FMO2: variants seen among roughly 807,000 people sequenced by gnomAD.
FMO2 encodes the protein flavin containing dimethylaniline monoxygenase 2.
A neutral mutation model predicts 41.6 loss-of-function variants in FMO2; 33 were observed. The ratio of observed to expected loss-of-function variants is 0.79; its 90% CI spans 0.60 to 1.06. The LOEUF (loss-of-function observed/expected upper bound fraction) is 1.06, where lower values mean the gene tolerates loss of function less well. FMO2 is among the 50% of genes least tolerant of loss of function. The probability of loss-of-function intolerance (pLI) is 0.00; values close to 1 mark genes in which losing one functional copy is unlikely to be tolerated. For synonymous variants in FMO2, 214 were observed against 219.6 expected (o/e 0.97, Z 0.23); for missense variants, 619 against 632.9 (o/e 0.98, Z 0.23).
Position 171,185,754 on chromosome 1 carries a change from G to T in FMO2, c.41G>T (p.Gly14Val), listed in dbSNP as rs1244696542. The T allele has an allele frequency of 1.9e-6, 3 of 1,613,738 alleles. No homozygotes were observed. The highest frequency in any genetic ancestry group is 2.5e-6 in the Non-Finnish European group (3 of 1,179,822). ...KVAVIGAGVS[G>V]LISLKCCVDE... ...GCTGTGATTGGAGCTGGGGTCAGTG[G>T]CCTAATTTCTCTGAAGTGCTGTGTG... The change falls in exon 2 of 9, where the codon GGC (glycine) becomes GTC (valine). Residue 14 changes from glycine (G) to valine (V), a missense_variant. Gly to Val is a moderately radical substitution (Grantham distance 109). Transcript: ENST00000209929.
chr1:171,185,650 AG>A, intron 1 of FMO2, 57 bp from the exon 2 acceptor site: 1 of 1,576,956 alleles, frequency 6.3e-7, no homozygotes, highest in Non-Finnish European at 8.7e-7. Context: ...GCACATCATA[AG>A]GATTCTCTTA....
Position 171,205,283 on chromosome 1 carries a change from A to C in FMO2, c.832A>C (p.Ile278Leu), listed in dbSNP as rs757302681. Reference sequence around the variant, plus strand: ...TTTTTCTTCTGTATGTCTCAGATACATTATGAAGGAACCTGTACTAAATGA... The same window carrying C: ...TTTTTCTTCTGTATGTCTCAGATACCTTATGAAGGAACCTGTACTAAATGA... Reference protein sequence around the residue: ...NYGLEPQNKYIMKEPVLNDDV... With the variant: ...NYGLEPQNKYLMKEPVLNDDV... Residue 278 changes from isoleucine (I) to leucine (L), a missense_variant, in exon 7 of 9, where the codon ATT becomes CTT. By Grantham distance (5) the Ile-to-Leu change is conservative (BLOSUM62 2). Transcript: ENST00000209929. 1.1e-5 allele frequency: 17 copies of C among 1,593,802 alleles called. No individual in the cohort carries two copies. The South Asian group carries it at 1.7e-4, about 16-fold the overall frequency.
At chr1:171,188,526 G>A (rs1242768215) in intron 2 of FMO2, among the ~76,000 whole-genome samples, 2 of 152,146 alleles carry the variant, frequency 1.3e-5, no homozygotes, top group Non-Finnish European at 2.9e-5. Flanking sequence ...TCCCTGCAGA[G>A]TGAAACATAA....
intron 4 of FMO2, among the ~76,000 whole-genome samples, chr1:171,197,932 T>C (rs1235757313): frequency 3.3e-5 from 5 of 152,190 alleles, no homozygotes; most frequent in African/African-American, 1.2e-4. Flanking sequence ...TCCACAATTG[T>C]GTGCCAGAAG....
chr1:171,200,709 A>C (rs1557980784), intron 5 of FMO2, among the ~76,000 whole-genome samples: 1 of 152,206 alleles, frequency 6.6e-6, no homozygotes. Flanking sequence ...GAGACTTACT[A>C]GACCCAATAA....
intron 5 of FMO2, among the ~76,000 whole-genome samples, chr1:171,200,609 G>A (rs1658496704): frequency 1.3e-5 from 2 of 152,196 alleles, no homozygotes; most frequent in South Asian, 4.1e-4. Context: ...GCAGGTTAAT[G>A]AAGGGGTTAT....
In FMO2 at chr1:171,204,022, G is replaced by T; in HGVS notation, c.785G>T (p.Arg262Leu). 6.2e-7 allele frequency: 1 copy of T among 1,613,634 alleles called. No homozygotes were observed. Among genetic ancestry groups the T allele is most frequent in the Non-Finnish European group, 8.5e-7 (1 of 1,179,722 alleles). ...VKWMIEQQMN[R>L]WFNHENYGLE... is the part of the protein sequence containing the mutation. ...TGGATGATAGAACAACAGATGAATC[G>T]GTGGTTCAACCATGAAAATTATGGC... Residue 262 changes from arginine (R) to leucine (L), a missense_variant, in exon 6 of 9, where the codon CGG (arginine) becomes CTG (leucine). Coordinates refer to ENST00000209929, the MANE Select transcript of FMO2 (RefSeq NM_001460.5).
rs1658654415 is a variant in FMO2 at position 171,204,065 on chromosome 1, G to T, written c.827+1G>T. The stretch of plus-strand genomic sequence containing the variant: ...ATTATGGCCTTGAGCCTCAAAACAA[G>T]TAGAGTTATTTTGCTTTTTTAATGG... On this transcript the variant is annotated splice_donor_variant, in intron 6 of 8. Coordinates refer to ENST00000209929, the MANE Select transcript of FMO2 (RefSeq NM_001460.5). LOFTEE classifies it high-confidence loss of function. The T allele has an allele frequency of 1.2e-6, 2 of 1,612,094 alleles. No individual in the cohort carries two copies. The highest frequency in any genetic ancestry group is 2.7e-5 in the African/African-American group (2 of 74,836).
chr1:171,203,113 C>T (rs1201654125), intron 5 of FMO2, among the ~76,000 whole-genome samples: 4 of 152,064 alleles, frequency 2.6e-5, no homozygotes, highest in Non-Finnish European at 5.9e-5. Flanking sequence ...GAGGCTGCGG[C>T]AGGAGGATTG....
chr1:171,192,979 C>T (rs537784509), intron 2 of FMO2, among the ~76,000 whole-genome samples: 1 of 152,218 alleles, frequency 6.6e-6, no homozygotes, highest in East Asian at 1.9e-4. Flanking sequence ...GTATATACAG[C>T]CTCCCCAAGG....
At chr1:171,208,475 C>G (rs28369909) in intron 8 of FMO2, among the ~76,000 whole-genome samples, 2,356 of 152,306 alleles carry the variant, frequency 0.015, 70 homozygotes, top group African/African-American at 0.053. Flanking sequence ...TGCATTATCT[C>G]ATGAATTCCT....
At chr1:171,185,608 C>T (rs1006934325) in intron 1 of FMO2, 100 bp from the exon 2 acceptor site, 5 of 1,126,726 alleles carry the variant, frequency 4.4e-6, no homozygotes, top group Non-Finnish European at 6.5e-6. Flanking sequence ...ATTAAATTAC[C>T]ACTGCTACAA....
At chr1:171,193,608 T>A in intron 3 of FMO2, 85 bp downstream of exon 3, 1 of 895,830 alleles carries the variant, frequency 1.1e-6, no homozygotes, top group Non-Finnish European at 1.7e-6. Flanking sequence ...ATGAAAGCAA[T>A]TATGAATGAA....
At chr1:171,190,892 T>C (rs1257479652) in intron 2 of FMO2, among the ~76,000 whole-genome samples, 1 of 152,166 alleles carries the variant, frequency 6.6e-6, no homozygotes, top group Non-Finnish European at 1.5e-5. Flanking sequence ...ACGCCTGTAA[T>C]CCCAGCACTT....
intron 4 of FMO2, among the ~76,000 whole-genome samples, chr1:171,198,330 T>C (rs951774425): frequency 4.7e-5 from 7 of 148,172 alleles, no homozygotes; most frequent in Non-Finnish European, 7.5e-5. Context: ...GATTGCTAAA[T>C]TGTATTCTAA....
At chr1:171,199,614 A>G (rs1658454908) in intron 5 of FMO2, 126 bp downstream of exon 5, 2 of 840,696 alleles carry the variant, frequency 2.4e-6, no homozygotes, top group African/African-American at 1.8e-5. Flanking sequence ...GCATTGTGGC[A>G]TCATAGAAAA....
At chr1:171,202,968 G>A (rs1445539111) in intron 5 of FMO2, among the ~76,000 whole-genome samples, 1 of 152,018 alleles carries the variant, frequency 6.6e-6, no homozygotes, top group Non-Finnish European at 1.5e-5. Flanking sequence ...TAATAAACAA[G>A]GTAAAGAATA....
chr1:171,193,770 T>C (rs541558037), intron 3 of FMO2, among the ~76,000 whole-genome samples: 4 of 140,712 alleles, frequency 2.8e-5, no homozygotes, highest in African/African-American at 1.1e-4. Flanking sequence ...TATATTGATG[T>C]CAAAACTTTT....
chr1:171,196,369 TG>T (rs1658312462), intron 3 of FMO2, among the ~76,000 whole-genome samples: 1 of 152,210 alleles, frequency 6.6e-6, no homozygotes, highest in Non-Finnish European at 1.5e-5. Context: ...TTGTAGTTTT[TG>T]TTATCAGGCA....
Sources: gnomAD v4.1 joint callset for allele counts (sites outside exome capture counted in the v4.1 genomes callset) on GRCh38, gnomAD v4.1.1 for gene constraint, MANE v1.5 for transcripts, NCBI Gene and HGNC (gene_info 2026-07-23, HGNC 2026-07-21) for gene names.